GALNT13: variants seen among roughly 807,000 people sequenced by gnomAD.
GALNT13 encodes the protein polypeptide N-acetylgalactosaminyltransferase 13, also known as UDP-GalNAc:polypeptide N-acetylgalactosaminyltransferase 13.
Under a neutral mutation model 64.2 loss-of-function variants are expected in GALNT13, and 28 were observed. That is an observed-to-expected ratio of 0.44 (90% CI 0.32 to 0.60). The LOEUF (loss-of-function observed/expected upper bound fraction) is 0.60, where lower values mean the gene tolerates loss of function less well. GALNT13 is among the 20% of genes least tolerant of loss of function. GALNT13 has a pLI of 0.05. For synonymous variants in GALNT13, 214 were observed against 224.6 expected (o/e 0.95, Z 0.42); for missense variants, 577 against 669.8 (o/e 0.86, Z 1.53).
chr2:154,363,585 CA>C (rs775542877), intron 9 of GALNT13, among the ~76,000 whole-genome samples: 2 of 152,028 alleles, frequency 1.3e-5, no homozygotes, highest in Non-Finnish European at 2.9e-5. Context: ...TGAAAAAAAG[CA>C]AAGAACAGTG....
chr2:153,507,522 A>G, the GALNT13 span, among the ~76,000 whole-genome samples: 2 of 152,084 alleles, frequency 1.3e-5, no homozygotes, highest in African/African-American at 4.8e-5. Flanking sequence ...CTCGTGATCC[A>G]CTAGCCTCGG....
At chr2:154,219,492 A>G (rs1573900522) in intron 4 of GALNT13, among the ~76,000 whole-genome samples, 1 of 151,926 alleles carries the variant, frequency 6.6e-6, no homozygotes. Context: ...TACCCATATT[A>G]TTTTCAAGCA....
the GALNT13 span, among the ~76,000 whole-genome samples, chr2:153,102,363 A>T: frequency 6.6e-6 from 1 of 152,038 alleles, no homozygotes; most frequent in Non-Finnish European, 1.5e-5. Flanking sequence ...TCTCAGAAGT[A>T]TCTTTGTAAT....
chr2:153,377,700 A>C, the GALNT13 span, among the ~76,000 whole-genome samples: 1 of 152,108 alleles, frequency 6.6e-6, no homozygotes, highest in African/African-American at 2.4e-5. Flanking sequence ...GAGCCAAATA[A>C]AGCTATTTTC....
the GALNT13 span, among the ~76,000 whole-genome samples, chr2:153,496,459 T>A: frequency 6.6e-6 from 1 of 152,192 alleles, no homozygotes; most frequent in Non-Finnish European, 1.5e-5. Context: ...TGATATTACA[T>A]CAAAGTTACT....
chr2:154,423,428 G>A (rs184614719), intron 11 of GALNT13, among the ~76,000 whole-genome samples: 21 of 152,266 alleles, frequency 1.4e-4, no homozygotes, highest in Admixed American at 1.2e-3. Flanking sequence ...TGTATACCCA[G>A]TAATGGGATT....
At chr2:153,320,997 A>T in the GALNT13 span, among the ~76,000 whole-genome samples, 1 of 152,134 alleles carries the variant, frequency 6.6e-6, no homozygotes, top group Non-Finnish European at 1.5e-5. Context: ...ATTTGTACTG[A>T]TTCACTGAGC....
chr2:154,149,736 A>G (rs892139683), intron 4 of GALNT13, among the ~76,000 whole-genome samples: 4 of 151,922 alleles, frequency 2.6e-5, no homozygotes, highest in Non-Finnish European at 4.4e-5. Flanking sequence ...TTTGTCTGTT[A>G]TTGGTGTATA....
intron 8 of GALNT13, among the ~76,000 whole-genome samples, chr2:154,286,422 C>T (rs1008741866): frequency 2.6e-5 from 4 of 152,162 alleles, no homozygotes; most frequent in East Asian, 1.9e-4. Flanking sequence ...TGCTTCTACT[C>T]AGATGATCAT....
intron 1 of GALNT13, among the ~76,000 whole-genome samples, chr2:153,884,822 T>C (rs1357640755): frequency 2.7e-5 from 3 of 111,926 alleles, no homozygotes. Context: ...TGTGTGTGTA[T>C]ATATATGTGT....
intron 3 of GALNT13, among the ~76,000 whole-genome samples, chr2:154,135,695 T>G (rs1682910013): frequency 6.6e-6 from 1 of 152,144 alleles, no homozygotes; most frequent in Non-Finnish European, 1.5e-5. Context: ...CGTGTGATGG[T>G]GGGTTCTTGT....
intron 4 of GALNT13, among the ~76,000 whole-genome samples, chr2:154,193,874 C>G (rs1686732996): frequency 6.6e-6 from 1 of 152,112 alleles, no homozygotes; most frequent in Non-Finnish European, 1.5e-5. Context: ...ATAATAGCAG[C>G]CTATTTTGGA....
chr2:153,499,536 C>T, the GALNT13 span, among the ~76,000 whole-genome samples: 3 of 152,206 alleles, frequency 2.0e-5, no homozygotes, highest in African/African-American at 7.2e-5. Context: ...TGTCTGCCTC[C>T]TGCCACCATC....
At chr2:153,105,333 TAAAA>T in the GALNT13 span, among the ~76,000 whole-genome samples, 3 of 152,152 alleles carry the variant, frequency 2.0e-5, no homozygotes, top group African/African-American at 7.2e-5. Context: ...AGCTTCATAC[TAAAA>T]ACTCTCTATA....
the GALNT13 span, among the ~76,000 whole-genome samples, chr2:153,269,169 T>G: frequency 6.7e-6 from 1 of 150,042 alleles, no homozygotes; most frequent in South Asian, 2.1e-4. Flanking sequence ...AAACTTTTTA[T>G]GTTCTACTTT....
chr2:153,662,197 G>A, the GALNT13 span, among the ~76,000 whole-genome samples: 1 of 152,148 alleles, frequency 6.6e-6, no homozygotes, highest in African/African-American at 2.4e-5. Context: ...AAGATTGGTT[G>A]ATGCAAGGGT....
chr2:153,429,773 A>G, the GALNT13 span, among the ~76,000 whole-genome samples: 20 of 152,150 alleles, frequency 1.3e-4, no homozygotes, highest in Admixed American at 1.3e-3. Context: ...AATATTATAC[A>G]TTTGCCTTCT....
At chr2:153,590,462 G>T in the GALNT13 span, among the ~76,000 whole-genome samples, 1 of 111,570 alleles carries the variant, frequency 9.0e-6, no homozygotes, top group Non-Finnish European at 1.8e-5. Flanking sequence ...AAGGAAGAGA[G>T]AATTCTCTCT....
At chr2:153,723,987 G>C in the GALNT13 span, among the ~76,000 whole-genome samples, 3 of 148,776 alleles carry the variant, frequency 2.0e-5, no homozygotes, top group African/African-American at 5.1e-5. Context: ...AAAAGAGCCC[G>C]CATCGCCAAG....
Sources: gnomAD v4.1 joint callset for allele counts (sites outside exome capture counted in the v4.1 genomes callset) on GRCh38, gnomAD v4.1.1 for gene constraint, MANE v1.5 for transcripts, NCBI Gene and HGNC (gene_info 2026-07-23, HGNC 2026-07-21) for gene names.